PDE8A: variants seen among roughly 807,000 people sequenced by gnomAD.
The protein encoded by PDE8A is phosphodiesterase 8A.
A neutral mutation model predicts 105.0 loss-of-function variants in PDE8A; 59 were observed. The observed-to-expected ratio is 0.56, with a 90% CI of 0.46 to 0.70. PDE8A has a LOEUF of 0.70. Ranked by LOEUF, PDE8A falls within the 30% of genes least tolerant of loss-of-function variation. The pLI is 0.00. For synonymous variants in PDE8A, 355 were observed against 371.9 expected (o/e 0.95, Z 0.52); for missense variants, 1,014 against 1,045.9 (o/e 0.97, Z 0.42).
rs371546112 is a variant in PDE8A at position 85,137,942 on chromosome 15, C to T, written c.*39C>T. 162 of 1,313,760 alleles carry T rather than the reference C, an allele frequency of 1.2e-4. 2 individuals carry two copies. In the South Asian group the frequency reaches 1.2e-3, roughly 10 times the overall value. 81.4% of individuals were successfully genotyped at this position (1,313,760 alleles called of 1,614,324 possible). A position where few individuals can be genotyped will look rare whatever the true frequency, so the allele number is the denominator to read the frequency against. On this transcript the variant is annotated 3_prime_UTR_variant, in exon 22 of 22. Transcript: ENST00000394553. ...CCAGAGCCCTGAAGCTTTGTTCCTT[C>T]GGTCATTTGGAATTCCTGAGGGCAG...
intron 18 of PDE8A, 64 bp from the exon 19 acceptor site, chr15:85,122,997 C>G: frequency 6.5e-7 from 1 of 1,545,150 alleles, no homozygotes; most frequent in East Asian, 2.3e-5. Context: ...AGATTGTTTT[C>G]AGGAGTACCT....
Position 85,123,232 on chromosome 15 carries a change from G to A in PDE8A, c.2085+39G>A, listed in dbSNP as rs16974899. 0.028 allele frequency: 44,745 copies of A among 1,605,774 alleles called. 3,306 individuals are homozygous for A. In the African/African-American group the frequency reaches 0.28, roughly 10 times the overall value. ...ATTGCAAAGAGAACCTGTGTTTGGG[G>A]TCCTTGTACTGTTGTGTTATGGAGA... On this transcript the variant is annotated intron_variant, in intron 19 of 21. Coordinates refer to ENST00000394553, the MANE Select transcript of PDE8A (RefSeq NM_002605.3).
At chr15:85,017,275 A>T (rs1179292263) in intron 1 of PDE8A, among the ~76,000 whole-genome samples, 1 of 151,990 alleles carries the variant, frequency 6.6e-6, no homozygotes, top group Admixed American at 6.5e-5. Context: ...AAAAAAAAAA[A>T]ATAAATAAAT....
At chr15:85,075,716 A>G (rs2081370838) in intron 3 of PDE8A, 146 bp from the exon 4 acceptor site, 7 of 545,222 alleles carry the variant, frequency 1.3e-5, no homozygotes, top group South Asian at 1.0e-4. Context: ...CAAGTAGTCA[A>G]GAAGGTGAGT....
chr15:85,086,786 C>T (rs187274908), intron 6 of PDE8A, among the ~76,000 whole-genome samples: 376 of 151,794 alleles, frequency 2.5e-3, no homozygotes, highest in Non-Finnish European at 4.5e-3. Context: ...AGTCTCACTC[C>T]GTTGCCCAGG....
At chr15:85,046,550 G>C (rs1307566785) in intron 1 of PDE8A, among the ~76,000 whole-genome samples, 1 of 152,282 alleles carries the variant, frequency 6.6e-6, no homozygotes, top group East Asian at 1.9e-4. Flanking sequence ...ACTGTTTTGG[G>C]TGTTGGGAAT....
chr15:85,080,705 G>A (rs2081450644), intron 5 of PDE8A, among the ~76,000 whole-genome samples: 1 of 152,136 alleles, frequency 6.6e-6, no homozygotes, highest in African/African-American at 2.4e-5. Context: ...GTAAATCATG[G>A]TCCTTATATT....
chr15:85,015,509 T>G (rs1222364216), intron 1 of PDE8A, among the ~76,000 whole-genome samples: 1 of 152,212 alleles, frequency 6.6e-6, no homozygotes. Flanking sequence ...AATGTGAATT[T>G]TGCTAGGTGT....
At chr15:84,997,962 G>A in intron 1 of PDE8A, among the ~76,000 whole-genome samples, 1 of 152,014 alleles carries the variant, frequency 6.6e-6, no homozygotes, top group East Asian at 1.9e-4. Flanking sequence ...ACAAAGACTT[G>A]GATTTATTCT....
intron 19 of PDE8A, 26 bp from the exon 20 acceptor site, chr15:85,126,181 T>G: frequency 6.3e-7 from 1 of 1,578,610 alleles, no homozygotes; most frequent in Non-Finnish European, 8.6e-7. Flanking sequence ...CCATTTTGAT[T>G]GCTTTGAATT....
chr15:85,076,514 T>A (rs965977126), intron 4 of PDE8A, among the ~76,000 whole-genome samples: 1 of 152,036 alleles, frequency 6.6e-6, no homozygotes, highest in African/African-American at 2.4e-5. Context: ...TTAATGTAGT[T>A]TGTGTATTTC....
chr15:85,136,650 T>C lies in PDE8A; in HGVS notation c.2370T>C (p.Phe790=), dbSNP rs1006079075. The C allele has an allele frequency of 2.7e-5, 44 of 1,613,606 alleles. No homozygotes were observed. Among genetic ancestry groups the C allele is most frequent in the Non-Finnish European group, 3.7e-5 (44 of 1,179,836 alleles). ...SFIDYFITDM[F]DAWDAFVDLP... is the part of the protein sequence containing the mutation. Reference sequence around the variant, plus strand: ...TTGATTACTTCATCACAGACATGTTTGATGCTTGGGATGGTAAGAAATCTT... The same window carrying C: ...TTGATTACTTCATCACAGACATGTTCGATGCTTGGGATGGTAAGAAATCTT... Residue 790 remains phenylalanine (F), a synonymous_variant, in exon 21 of 22, where the codon TTT becomes TTC. Coordinates refer to ENST00000394553, the MANE Select transcript of PDE8A (RefSeq NM_002605.3).
At chr15:85,033,403 G>A (rs1596459886) in intron 1 of PDE8A, among the ~76,000 whole-genome samples, 1 of 152,278 alleles carries the variant, frequency 6.6e-6, no homozygotes, top group South Asian at 2.1e-4. Context: ...AGACTACACT[G>A]TGAACAGCTC....
chr15:85,026,481 A>G (rs764866531), intron 1 of PDE8A, among the ~76,000 whole-genome samples: 1 of 152,144 alleles, frequency 6.6e-6, no homozygotes, highest in Non-Finnish European at 1.5e-5. Flanking sequence ...CAGTGTTCCA[A>G]AAGAACAAGG....
intron 1 of PDE8A, among the ~76,000 whole-genome samples, chr15:85,043,410 A>G (rs1460102277): frequency 6.6e-6 from 1 of 152,130 alleles, no homozygotes; most frequent in South Asian, 2.1e-4. Flanking sequence ...TCTGGCCTCC[A>G]TGATTTTATA....
intron 8 of PDE8A, among the ~76,000 whole-genome samples, chr15:85,094,033 A>T (rs999502302): frequency 2.6e-5 from 4 of 151,978 alleles, no homozygotes; most frequent in Non-Finnish European, 5.9e-5. Flanking sequence ...CTAATTTTTT[A>T]AGCATATTTT....
intron 1 of PDE8A, among the ~76,000 whole-genome samples, chr15:85,061,826 T>G (rs533866992): frequency 6.6e-6 from 1 of 152,312 alleles, no homozygotes; most frequent in East Asian, 1.9e-4. Context: ...ATAATTTCAA[T>G]TGTCCCCTCT....
Position 85,136,518 on chromosome 15 carries a change from A to AT in PDE8A, c.2254-12dup, listed in dbSNP as rs1425656591. 6.2e-7 allele frequency: 1 copy of AT among 1,609,382 alleles called. No individual in the cohort carries two copies. Among genetic ancestry groups the AT allele is most frequent in the South Asian group, 1.1e-5 (1 of 90,484 alleles). ...CCAGATGTTGGGGTCTCCTGATCAC[A>AT]TTTTCTGCTTTACAGACTGATGAAG... On this transcript the variant is annotated splice_polypyrimidine_tract_variant and intron_variant, in intron 20 of 21. Transcript: ENST00000394553.
chr15:85,095,875 T>TATATATATATA (rs200233444), intron 8 of PDE8A, among the ~76,000 whole-genome samples: 29 of 145,716 alleles, frequency 2.0e-4, no homozygotes, highest in African/African-American at 4.7e-4. Context: ...TATATATATA[T>TATATATATATA]TTTTTTTATA....
Sources: gnomAD v4.1 joint callset for allele counts (sites outside exome capture counted in the v4.1 genomes callset) on GRCh38, gnomAD v4.1.1 for gene constraint, MANE v1.5 for transcripts, NCBI Gene and HGNC (gene_info 2026-07-23, HGNC 2026-07-21) for gene names.